SLC27A2: variants seen among roughly 807,000 people sequenced by gnomAD.
SLC27A2 encodes long-chain fatty acid transport protein 2.
Under a neutral mutation model 60.0 loss-of-function variants are expected in SLC27A2, and 54 were observed. That is an observed-to-expected ratio of 0.90 (90% CI 0.72 to 1.13). The LOEUF is 1.13. Among genes scored for constraint, SLC27A2 ranks in the 50% most tolerant of loss-of-function variants. The probability of loss-of-function intolerance (pLI) is 0.00; values close to 1 mark genes in which losing one functional copy is unlikely to be tolerated. For missense variants in SLC27A2, 739 were observed against 777.6 expected (o/e 0.95, Z 0.59); for synonymous variants, 297 against 297.6 (o/e 1.00, Z 0.02).
intron 1 of SLC27A2, among the ~76,000 whole-genome samples, chr15:50,196,151 C>T (rs1231004922): frequency 1.6e-5 from 2 of 121,374 alleles, no homozygotes; most frequent in Non-Finnish European, 3.3e-5. Flanking sequence ...TCCGTTATCA[C>T]AATTCAAGAC....
At chr15:50,222,875 A>T in intron 4 of SLC27A2, 90 bp from the exon 5 acceptor site, 1 of 1,059,732 alleles carries the variant, frequency 9.4e-7, no homozygotes, top group Non-Finnish European at 1.4e-6. Context: ...AGTATAAATT[A>T]AATACATACA....
At chr15:50,204,361 G>A (rs1008540944) in intron 3 of SLC27A2, among the ~76,000 whole-genome samples, 2 of 152,062 alleles carry the variant, frequency 1.3e-5, no homozygotes, top group East Asian at 1.9e-4. Context: ...CAGCTACTTA[G>A]AGGCTGAGGC....
At chr15:50,220,895 C>G (rs2140910459) in intron 4 of SLC27A2, among the ~76,000 whole-genome samples, 1 of 152,222 alleles carries the variant, frequency 6.6e-6, no homozygotes, top group African/African-American at 2.4e-5. Flanking sequence ...AGTCAGTGAC[C>G]TAGGGACCAG....
chr15:50,233,696 CTATTAG>C (rs1307243957), intron 8 of SLC27A2, among the ~76,000 whole-genome samples, 166 bp from the exon 9 acceptor site: 5 of 152,184 alleles, frequency 3.3e-5, no homozygotes, highest in Non-Finnish European at 7.3e-5. Context: ...GTTATTATTG[CTATTAG>C]TATTAGTACA....
chr15:50,232,790 TC>T (rs759252935), intron 8 of SLC27A2, among the ~76,000 whole-genome samples: 3 of 152,214 alleles, frequency 2.0e-5, no homozygotes, highest in Non-Finnish European at 2.9e-5. Flanking sequence ...ACTGCCTCTC[TC>T]CCTCAGACAA....
chr15:50,188,474 T>G (rs1011119034), intron 1 of SLC27A2, among the ~76,000 whole-genome samples: 4 of 152,242 alleles, frequency 2.6e-5, no homozygotes, highest in African/African-American at 9.6e-5. Context: ...TTTAATTTTC[T>G]AATGCCAACT....
At chr15:50,218,047 C>T (rs916288271) in intron 4 of SLC27A2, among the ~76,000 whole-genome samples, 95 of 105,956 alleles carry the variant, frequency 9.0e-4, no homozygotes, top group African/African-American at 3.2e-3. Context: ...GGGCGAGAGG[C>T]GAGACTCTGT....
intron 1 of SLC27A2, among the ~76,000 whole-genome samples, chr15:50,188,230 G>T (rs142238484): frequency 6.6e-6 from 1 of 152,120 alleles, no homozygotes; most frequent in Non-Finnish European, 1.5e-5. Flanking sequence ...CAAATGCAGT[G>T]GGGGAGGGGG....
intron 4 of SLC27A2, among the ~76,000 whole-genome samples, chr15:50,207,853 T>G (rs2045125284): frequency 6.7e-6 from 1 of 149,558 alleles, no homozygotes; most frequent in African/African-American, 2.5e-5. Context: ...AAGCAGGAGA[T>G]CTATGCAAAT....
intron 4 of SLC27A2, among the ~76,000 whole-genome samples, chr15:50,210,893 C>A (rs2045149765): frequency 6.6e-6 from 1 of 152,166 alleles, no homozygotes; most frequent in Non-Finnish European, 1.5e-5. Flanking sequence ...ACCTGCATGA[C>A]TCAGCAGAGA....
intron 3 of SLC27A2, among the ~76,000 whole-genome samples, chr15:50,204,665 G>A (rs1331475291): frequency 2.0e-5 from 3 of 151,026 alleles, no homozygotes; most frequent in Non-Finnish European, 2.9e-5. Flanking sequence ...CCTGGGGGGC[G>A]GGTGTTGCAG....
At chr15:50,219,530 A>T (rs1201801207) in intron 4 of SLC27A2, among the ~76,000 whole-genome samples, 1 of 152,144 alleles carries the variant, frequency 6.6e-6, no homozygotes, top group African/African-American at 2.4e-5. Flanking sequence ...CTTTAAAAAA[A>T]AAATAAGGAA....
chr15:50,215,907 G>T (rs1595688842), intron 4 of SLC27A2, among the ~76,000 whole-genome samples: 1 of 152,278 alleles, frequency 6.6e-6, no homozygotes, highest in Admixed American at 6.5e-5. Context: ...CTTAGGCAAG[G>T]ATTTCATGAC....
In SLC27A2 at chr15:50,234,587, CA is replaced by C. The variant is rs767076726; in HGVS notation, c.1686+611del. On this transcript the variant is annotated intron_variant, in intron 9 of 9. Transcript: ENST00000267842. ...GAGCAATGGAGTGAGACTCCATCTC[CA>C]AAAAAAAAAAAAAAAAAAAAATTAG... Among the ~76,000 whole-genome samples, 177 of 61,538 alleles carry C rather than the reference CA, an allele frequency of 2.9e-3. 1 individual carries two copies. Among genetic ancestry groups the C allele is most frequent in the Middle Eastern group, 9.1e-3 (1 of 110 alleles). 40.4% of individuals were successfully genotyped at this position (61,538 alleles called of 152,430 possible).
In SLC27A2 at chr15:50,215,724, C is replaced by G. The variant is rs2045190360; in HGVS notation, c.973-7241C>G. ...AATCATAAAGGGGGCAAAGTACACC[C>G]TATTCAACAAATGGTGCTCAGATAA... On this transcript the variant is annotated intron_variant, in intron 4 of 9. Transcript: ENST00000267842. Among the ~76,000 whole-genome samples the G allele has an allele frequency of 4.6e-5, 7 of 152,156 alleles. No homozygotes were observed. The South Asian group carries it at 1.5e-3, about 32-fold the overall frequency.
chr15:50,187,317 C>T (rs1398093060), intron 1 of SLC27A2, among the ~76,000 whole-genome samples: 2 of 152,212 alleles, frequency 1.3e-5, no homozygotes, highest in African/African-American at 4.8e-5. Context: ...AATGTTGTAA[C>T]TAATAAAAGC....
At chr15:50,228,151 GT>G (rs1283903687) in intron 7 of SLC27A2, among the ~76,000 whole-genome samples, 1 of 152,132 alleles carries the variant, frequency 6.6e-6, no homozygotes, top group Non-Finnish European at 1.5e-5. Flanking sequence ...GCCGAGGCGG[GT>G]GGATCACCTG....
chr15:50,210,190 G>T (rs1224123209), intron 4 of SLC27A2, among the ~76,000 whole-genome samples: 2 of 152,162 alleles, frequency 1.3e-5, no homozygotes, highest in African/African-American at 2.4e-5. Flanking sequence ...AGCATGAGAG[G>T]CTCACATTGT....
At chr15:50,228,768 C>G (rs1595692868) in intron 7 of SLC27A2, among the ~76,000 whole-genome samples, 177 bp from the exon 8 acceptor site, 1 of 152,232 alleles carries the variant, frequency 6.6e-6, no homozygotes, top group East Asian at 1.9e-4. Flanking sequence ...ATACTTTTCC[C>G]TTTTATGCCT....
Sources: allele counts gnomAD v4.1 joint callset (sites outside exome capture counted in the v4.1 genomes callset), GRCh38; gene constraint gnomAD v4.1.1; transcripts MANE v1.5; gene names NCBI Gene and HGNC (gene_info 2026-07-23, HGNC 2026-07-21).